The following CRTC3 variants were observed in gnomAD, a reference collection of about 807,000 sequenced individuals.
CRTC3 encodes CREB regulated transcription coactivator 3.
A neutral mutation model predicts 74.5 loss-of-function variants in CRTC3; 26 were observed. The observed-to-expected ratio is 0.35, with a 90% CI of 0.26 to 0.48. CRTC3 has a LOEUF of 0.48. Ranked by LOEUF, CRTC3 falls within the 20% of genes least tolerant of loss-of-function variation. The pLI, the probability that CRTC3 is intolerant of heterozygous loss-of-function variation, is 0.99. For missense variants in CRTC3, 760 were observed against 787.3 expected (o/e 0.97, Z 0.41); for synonymous variants, 377 against 325.8 (o/e 1.16, Z -1.69).
chr15:90,583,848 CT>C (rs35509628), intron 2 of CRTC3, among the ~76,000 whole-genome samples: 18,085 of 149,478 alleles, frequency 0.12, 1,338 homozygotes, highest in African/African-American at 0.21. Flanking sequence ...TTTCTCTTTT[CT>C]TTTTTTTTTG....
chr15:90,604,119 C>T (rs1968155117), intron 4 of CRTC3: 3 of 361,594 alleles, frequency 8.3e-6, no homozygotes, highest in East Asian at 4.6e-5. Flanking sequence ...CTGAACTCCT[C>T]ATCTGCCCAG....
intron 11 of CRTC3, among the ~76,000 whole-genome samples, chr15:90,633,452 T>C (rs1162665594): frequency 1.3e-5 from 2 of 152,264 alleles, no homozygotes; most frequent in Non-Finnish European, 2.9e-5. Flanking sequence ...TTGGCATCTA[T>C]TGCCTATTCA....
intron 9 of CRTC3, among the ~76,000 whole-genome samples, chr15:90,622,864 A>C (rs13380036): frequency 0.022 from 3,412 of 152,158 alleles, 146 homozygotes; most frequent in African/African-American, 0.078. Context: ...AAAACACAAA[A>C]TAAAATAAAA....
chr15:90,635,695 C>T (rs1051793471), intron 11 of CRTC3, among the ~76,000 whole-genome samples: 16 of 152,102 alleles, frequency 1.1e-4, no homozygotes, highest in African/African-American at 3.9e-4. Context: ...CAGGCCTTGT[C>T]AGGTTCCCTA....
At chr15:90,626,611 C>CTTTTTTTTTTTTTTTTTTTT (rs922457681) in intron 10 of CRTC3, among the ~76,000 whole-genome samples, 1 of 133,422 alleles carries the variant, frequency 7.5e-6, no homozygotes, top group African/African-American at 2.9e-5. Context: ...AAGCCTGACA[C>CTTTTTTTTTTTTTTTTTTTT]TTTTTTTTTT....
chr15:90,623,794 C>T (rs1418361156), intron 9 of CRTC3, among the ~76,000 whole-genome samples: 1 of 152,210 alleles, frequency 6.6e-6, no homozygotes, highest in African/African-American at 2.4e-5. Context: ...CCTGCTTTTC[C>T]ACTTCCATCT....
In CRTC3 at chr15:90,642,406, C is replaced by G. The variant is rs1295683577; in HGVS notation, c.*266C>G. On this transcript the variant is annotated 3_prime_UTR_variant, in exon 15 of 15. Coordinates refer to ENST00000268184, the MANE Select transcript of CRTC3 (RefSeq NM_022769.5). ...GCTTCCCATGAACTGGAAAGCTCAC[C>G]TCCACTGCATCTTTTTACTGGCCAT... 1 of 519,892 alleles carries G rather than the reference C, an allele frequency of 1.9e-6. No individual in the cohort carries two copies. The highest frequency in any genetic ancestry group is 3.5e-6 in the Non-Finnish European group (1 of 287,014). 32.2% of individuals were successfully genotyped at this position (519,892 alleles called of 1,614,324 possible).
chr15:90,641,811 G>A lies in CRTC3; in HGVS notation c.1652-121G>A, dbSNP rs553743539. On this transcript the variant is annotated intron_variant, in intron 14 of 14. Transcript: ENST00000268184. ...TTCCAGGGCAAGAACTGTGGGCCTG[G>A]GGGTGGTCAGGATGTGTGGGATAGC... 811 of 739,524 alleles carry A rather than the reference G, an allele frequency of 1.1e-3. 4 individuals are homozygous for A. Among genetic ancestry groups the A allele is most frequent in the Middle Eastern group, 4.0e-3 (10 of 2,484 alleles). The allele number at this position is 739,524 out of a possible 1,614,324, so 45.8% of individuals were successfully genotyped here. A position where few individuals can be genotyped will look rare whatever the true frequency, so the allele number is the denominator to read the frequency against.
intron 6 of CRTC3, among the ~76,000 whole-genome samples, chr15:90,611,626 C>G (rs1273612530): frequency 6.6e-6 from 1 of 152,180 alleles, no homozygotes; most frequent in Non-Finnish European, 1.5e-5. Context: ...AGAGTTGCAT[C>G]TGATTACTCC....
intron 13 of CRTC3, among the ~76,000 whole-genome samples, chr15:90,639,574 TGAG>T: frequency 6.6e-6 from 1 of 151,000 alleles, no homozygotes. Flanking sequence ...CTCAGACTCC[TGAG>T]TAATTGGGGT....
intron 2 of CRTC3, among the ~76,000 whole-genome samples, chr15:90,572,412 G>A (rs1967292186): frequency 1.3e-5 from 2 of 152,162 alleles, no homozygotes; most frequent in Admixed American, 1.3e-4. Context: ...GTATTTGTGA[G>A]ATATGTTCCT....
chr15:90,623,952 G>A (rs113315718), intron 9 of CRTC3, among the ~76,000 whole-genome samples: 3,812 of 152,242 alleles, frequency 0.025, 121 homozygotes, highest in African/African-American at 0.07. Flanking sequence ...GATCACCTGA[G>A]TTCTTTAGCC....
intron 2 of CRTC3, among the ~76,000 whole-genome samples, chr15:90,574,295 G>A (rs1967347895): frequency 6.6e-6 from 1 of 152,084 alleles, no homozygotes; most frequent in Admixed American, 6.6e-5. Flanking sequence ...TGGTCAACAT[G>A]GTGAAACCCT....
intron 11 of CRTC3, among the ~76,000 whole-genome samples, chr15:90,635,325 G>A (rs1235832543): frequency 1.3e-5 from 2 of 152,044 alleles, no homozygotes; most frequent in Non-Finnish European, 2.9e-5. Context: ...TCATTTCCTT[G>A]GGAAACTCCT....
rs146057884 is a variant in CRTC3 at position 90,539,607 on chromosome 15, G to C, written c.133-432G>C. ...AGGCTTATGATGAGCATGCTAGGTTGTACCTATCTTATGATCACAGCTATG... is the reference window on the plus strand; with the variant it reads ...AGGCTTATGATGAGCATGCTAGGTTCTACCTATCTTATGATCACAGCTATG... On this transcript the variant is annotated intron_variant, in intron 1 of 14. Transcript: ENST00000268184. The C allele has an allele frequency of 1.7e-3, 355 of 204,714 alleles. 2 individuals carry two copies. Among genetic ancestry groups the C allele is most frequent in the African/African-American group, 8.1e-3 (337 of 41,826 alleles). The allele number at this position is 204,714 out of a possible 1,614,324, so 12.7% of individuals were successfully genotyped here.
chr15:90,545,721 C>A (rs999446294), intron 2 of CRTC3, among the ~76,000 whole-genome samples: 3 of 148,560 alleles, frequency 2.0e-5, no homozygotes, highest in Non-Finnish European at 4.5e-5. Context: ...GGACTACAGG[C>A]ACCTGCCACC....
intron 4 of CRTC3, among the ~76,000 whole-genome samples, chr15:90,603,477 C>T (rs1480355671): frequency 1.6e-4 from 24 of 152,048 alleles, no homozygotes. Context: ...CATCTTTTCT[C>T]AGAGTGTCTT....
intron 2 of CRTC3, 73 bp from the exon 3 acceptor site, chr15:90,593,563 G>T: frequency 6.4e-7 from 1 of 1,553,252 alleles, no homozygotes; most frequent in Non-Finnish European, 8.8e-7. Flanking sequence ...ATCTCCTGTT[G>T]TTATCAGTTG....
Position 90,626,646 on chromosome 15 carries a change from C to G in CRTC3, c.967+653C>G, listed in dbSNP as rs183562507. On this transcript the variant is annotated intron_variant, in intron 10 of 14. Transcript: ENST00000268184. ...TTTTTTTTTGAGATGGGGTCTTACT[C>G]TGTCACCTAGGCTAGAGTGCAGTGG... Among the ~76,000 whole-genome samples, 26 of 143,064 alleles carry G rather than the reference C, an allele frequency of 1.8e-4. No homozygotes were observed. The East Asian group carries it at 5.2e-3, about 29-fold the overall frequency. 93.9% of individuals were successfully genotyped at this position (143,064 alleles called of 152,430 possible).
Sources: allele counts gnomAD v4.1 joint callset (sites outside exome capture counted in the v4.1 genomes callset), GRCh38; gene constraint gnomAD v4.1.1; transcripts MANE v1.5; gene names NCBI Gene and HGNC (gene_info 2026-07-23, HGNC 2026-07-21).